Variants in SEZ6L2 observed in about 807,000 individuals in gnomAD.
The protein encoded by SEZ6L2 is seizure 6-like protein 2.
SEZ6L2 carries 44 observed loss-of-function variants against 97.0 expected under a neutral mutation model. That is an observed-to-expected ratio of 0.45 (90% CI 0.36 to 0.58). SEZ6L2 has a LOEUF of 0.58. SEZ6L2 is among the 20% of genes least tolerant of loss of function. The pLI, the probability that SEZ6L2 is intolerant of heterozygous loss-of-function variation, is 0.00. For synonymous variants in SEZ6L2, 543 were observed against 546.1 expected (o/e 0.99, Z 0.08); for missense variants, 1,086 against 1,233.3 (o/e 0.88, Z 1.79).
At chr16:29,888,129 C>G (rs973556682) in intron 6 of SEZ6L2, among the ~76,000 whole-genome samples, 1 of 152,088 alleles carries the variant, frequency 6.6e-6, no homozygotes, top group African/African-American at 2.4e-5. Context: ...AATTCAAAGC[C>G]TCAGCTGGGA....
intron 5 of SEZ6L2, among the ~76,000 whole-genome samples, chr16:29,889,614 CTT>C (rs869108927): frequency 0.011 from 793 of 70,208 alleles, no homozygotes; most frequent in African/African-American, 0.016. Context: ...CTTGAAACTT[CTT>C]TTTTTTTTTT....
intron 5 of SEZ6L2, among the ~76,000 whole-genome samples, chr16:29,890,231 G>T (rs2068242437): frequency 6.6e-6 from 1 of 152,064 alleles, no homozygotes; most frequent in African/African-American, 2.4e-5. Context: ...GTCTTTAAAG[G>T]CACAGTGGCT....
intron 2 of SEZ6L2, among the ~76,000 whole-genome samples, chr16:29,897,460 C>G (rs1343630626): frequency 6.6e-6 from 1 of 152,020 alleles, no homozygotes; most frequent in Non-Finnish European, 1.5e-5. Context: ...CTCTCTCGAA[C>G]TCTTTATTTC....
chr16:29,884,494 A>G (rs2068091419), intron 8 of SEZ6L2, among the ~76,000 whole-genome samples: 1 of 151,972 alleles, frequency 6.6e-6, no homozygotes, highest in Non-Finnish European at 1.5e-5. Flanking sequence ...CGGGAGGCTA[A>G]GGAATGAGAA....
rs768587302 is a variant in SEZ6L2, at chr16:29,885,679, C to T, written c.1279G>A (p.Glu427Lys). 3 of 1,613,932 alleles carry T rather than the reference C, an allele frequency of 1.9e-6. No homozygotes were observed. Among genetic ancestry groups the T allele is most frequent in the South Asian group, 2.2e-5 (2 of 91,058 alleles). The change falls in exon 8 of 18, where the codon GAG (glutamate) becomes AAG (lysine). Residue 427 changes from glutamate (E) to lysine (K), a missense_variant. Coordinates refer to ENST00000617533, the MANE Select transcript of SEZ6L2 (RefSeq NM_001243332.2). ...IYDSDMDDVP[E>K]RGLISDAQSL... ...TGGGCGTCACTGATGAGACCCCGCT[C>T]GGGGACATCGTCCATGTCCGAATCA...
Position 29,880,046 on chromosome 16 carries a change from C to G in SEZ6L2, c.1391G>C (p.Cys464Ser), listed in dbSNP as rs770629924. 2 of 1,614,154 alleles carry G rather than the reference C, an allele frequency of 1.2e-6. No individual in the cohort carries two copies. The highest frequency in any genetic ancestry group is 1.7e-6 in the Non-Finnish European group (2 of 1,180,018). The part of the protein sequence containing the change: ...LRFEAFEEDR[C>S]FAPFLAHGNV... ...TCCATGTGCCAGGAAGGGGGCGAAG[C>G]AGCGATCCTCCTCAAAGGCTGGGAA... The change falls in exon 9 of 18, where the codon TGC becomes TCC. Residue 464 changes from cysteine (C) to serine (S), a missense_variant. This residue lies in a region of SEZ6L2 where 776 missense variants were observed against 794.7 expected (regional missense o/e 0.98). Transcript: ENST00000617533.
chr16:29,877,258 T>C lies in SEZ6L2; in HGVS notation c.1909+13A>G, dbSNP rs2067925645. 6.5e-7 allele frequency: 1 copy of C among 1,548,312 alleles called. No homozygotes were observed. Among genetic ancestry groups the C allele is most frequent in the African/African-American group, 1.4e-5 (1 of 72,932 alleles). Reference sequence around the variant, plus strand: ...CCGACCCCTGCCCATCCCGGGACTCTATCCCTCAGTACCTTTGAAGTGCAA... The same window carrying C: ...CCGACCCCTGCCCATCCCGGGACTCCATCCCTCAGTACCTTTGAAGTGCAA... On this transcript the variant is annotated intron_variant, in intron 11 of 17. Coordinates refer to ENST00000617533, the MANE Select transcript of SEZ6L2 (RefSeq NM_001243332.2).
chr16:29,873,513 C>G lies in SEZ6L2; in HGVS notation c.2296+25G>C. The G allele has an allele frequency of 1.2e-6, 2 of 1,614,102 alleles. No homozygotes were observed. The highest frequency in any genetic ancestry group is 1.7e-6 in the Non-Finnish European group (2 of 1,179,976). On this transcript the variant is annotated intron_variant, in intron 13 of 17. Transcript: ENST00000617533. The surrounding 1 kb of genome is among the most constrained non-coding windows in gnomAD (Gnocchi z 4.3). ...GCTCTCCCAGGGCTACCCAGCCACC[C>G]TCCCAGGGTGTGCCCCAGACTCACA...
At chr16:29,877,541 A>C in intron 10 of SEZ6L2, 74 bp from the exon 11 acceptor site, 1 of 1,352,682 alleles carries the variant, frequency 7.4e-7, no homozygotes, top group Non-Finnish European at 1.0e-6. Flanking sequence ...CCCATCCTCA[A>C]CTCTGCTCAT....
rs1241412025 is a variant in SEZ6L2, at chr16:29,899,219, C to A, written c.-200G>T. The A allele has an allele frequency of 7.0e-6, 4 of 575,506 alleles. No homozygotes were observed. The highest frequency in any genetic ancestry group is 1.2e-5 in the Non-Finnish European group (4 of 328,078). The allele number at this position is 575,506 out of a possible 1,614,324, so 35.6% of individuals were successfully genotyped here. ...GGGCTAGGGGTCGCCTGGAGCCCACCCCCCTTTGCTCAGTCTCCTCTGTCC... is the reference window on the plus strand; with the variant it reads ...GGGCTAGGGGTCGCCTGGAGCCCACACCCCTTTGCTCAGTCTCCTCTGTCC... On this transcript the variant is annotated 5_prime_UTR_variant, in exon 1 of 18. Transcript: ENST00000617533.
Position 29,873,553 on chromosome 16 carries a change from C to A in SEZ6L2, c.2281G>T (p.Val761Phe). ...DTGTPKWSDR[V>F]PKCALKYEPC... ...CCAGACTCACAGGCGCATTTGGGGA[C>A]CCTATCGCTCCACTTGGGTGTGCCT... is the stretch of plus-strand genomic sequence containing the variant. Residue 761 changes from valine (V) to phenylalanine (F), a missense_variant, in exon 13 of 18, where the codon GTC becomes TTC. Transcript: ENST00000617533. This position sits in a 1 kb window ranked among gnomAD's most constrained non-coding sequence, Gnocchi z 4.3. 1 of 1,614,206 alleles carries A rather than the reference C, an allele frequency of 6.2e-7. No homozygotes were observed.
Position 29,899,062 on chromosome 16 carries a change from AT to A in SEZ6L2, c.-44del. 1 of 1,399,346 alleles carries A rather than the reference AT, an allele frequency of 7.1e-7. No individual in the cohort carries two copies. Among genetic ancestry groups the A allele is most frequent in the Non-Finnish European group, 9.9e-7 (1 of 1,006,308 alleles). The allele number at this position is 1,399,346 out of a possible 1,614,324, so 86.7% of individuals were successfully genotyped here. ...TCTCTCCTCTGTGCCTCTCTAAGTA[AT>A]CTGGCTGCCACCTTTCCTCCGTCTC... On this transcript the variant is annotated 5_prime_UTR_variant, in exon 1 of 18. Transcript: ENST00000617533.
chr16:29,880,281 G>A (rs2068003547), intron 8 of SEZ6L2, among the ~76,000 whole-genome samples: 1 of 151,238 alleles, frequency 6.6e-6, no homozygotes, highest in African/African-American at 2.4e-5. Context: ...TCATGCCTCA[G>A]CCTCCCAGGT....
chr16:29,871,469 G>A lies in SEZ6L2; in HGVS notation c.*230C>T. ...CAGAATCCAAAAGCCGGTAGGGCGG[G>A]GGGCAGGCCCCTCGTTTGGCAACTG... On this transcript the variant is annotated 3_prime_UTR_variant, in exon 18 of 18. Transcript: ENST00000617533. The A allele has an allele frequency of 1.7e-6, 1 of 599,682 alleles. No individual in the cohort carries two copies. Among genetic ancestry groups the A allele is most frequent in the Non-Finnish European group, 3.0e-6 (1 of 335,342 alleles). The allele number at this position is 599,682 out of a possible 1,614,324, so 37.1% of individuals were successfully genotyped here. A position where few individuals can be genotyped will look rare whatever the true frequency, so the allele number is the denominator to read the frequency against.
chr16:29,887,543 A>T, intron 7 of SEZ6L2, 106 bp downstream of exon 7: 1 of 1,011,220 alleles, frequency 9.9e-7, no homozygotes, highest in Non-Finnish European at 1.4e-6. Context: ...CGATCTCCTG[A>T]CCTTGTGATC....
In SEZ6L2 at chr16:29,885,484, C is replaced by T. The variant is rs563468497; in HGVS notation, c.1372+102G>A. On this transcript the variant is annotated intron_variant, in intron 8 of 17. Transcript: ENST00000617533. ...GAGTCACGTTTCAAGGAACCCAGCA[C>T]GGAGATGAACAGGCATAGAGTTTGT... 66 of 1,276,718 alleles carry T rather than the reference C, an allele frequency of 5.2e-5. No homozygotes were observed. In the South Asian group the frequency reaches 6.8e-4, roughly 13 times the overall value. The allele number at this position is 1,276,718 out of a possible 1,614,324, so 79.1% of individuals were successfully genotyped here. A position where few individuals can be genotyped will look rare whatever the true frequency, so the allele number is the denominator to read the frequency against.
At position 29,873,683 on chromosome 16, in the gene SEZ6L2, G is replaced by A. The variant is rs761322694; in HGVS notation, c.2151C>T (p.Thr717=). 9.8e-5 allele frequency: 158 copies of A among 1,610,540 alleles called. 1 individual carries two copies. Among genetic ancestry groups the A allele is most frequent in the South Asian group, 9.9e-5 (9 of 90,898 alleles). The change falls in exon 13 of 18, where the codon ACC becomes ACT. Residue 717 remains threonine, a synonymous_variant. Coordinates refer to ENST00000617533, the MANE Select transcript of SEZ6L2 (RefSeq NM_001243332.2). This position sits in a 1 kb window ranked among gnomAD's most constrained non-coding sequence, Gnocchi z 4.3. ...DPGEIANGHR[T]ASDAGFPVGS... is the part of the protein sequence containing the mutation. The stretch of plus-strand genomic sequence containing the variant: ...CAACGGGGAAGCCGGCGTCCGAGGC[G>A]GTGCGGTGCCCGTTGGCAATCTCGC...
chr16:29,891,805 G>A (rs1046578417), intron 5 of SEZ6L2, among the ~76,000 whole-genome samples: 2 of 152,164 alleles, frequency 1.3e-5, no homozygotes, highest in Admixed American at 6.6e-5. Flanking sequence ...ATCTCTAGGG[G>A]CCTCTCACCT....
At chr16:29,872,677 C>A (rs373371881) in intron 15 of SEZ6L2, 28 bp downstream of exon 15, 18 of 1,611,868 alleles carry the variant, frequency 1.1e-5, no homozygotes, top group Non-Finnish European at 1.4e-5. Flanking sequence ...CCTGGCCAGC[C>A]TGGGTCTCCA....
Sources: gnomAD v4.1 joint callset for allele counts (sites outside exome capture counted in the v4.1 genomes callset) on GRCh38, gnomAD v4.1.1 for gene constraint, gnomAD v4.1.1 regional missense constraint, Gnocchi (gnomAD v3.1) non-coding constraint, MANE v1.5 for transcripts, NCBI Gene and HGNC (gene_info 2026-07-23, HGNC 2026-07-21) for gene names.